PDE3B: variants seen among roughly 807,000 people sequenced by gnomAD.
PDE3B encodes the protein cGMP-inhibited 3',5'-cyclic phosphodiesterase 3B.
In PDE3B, 66 loss-of-function variants were observed where a neutral mutation model predicts 116.8. That is an observed-to-expected ratio of 0.56 (90% CI 0.46 to 0.69). The LOEUF (loss-of-function observed/expected upper bound fraction) is 0.69. Ranked by LOEUF, PDE3B falls within the 30% of genes least tolerant of loss-of-function variation. The pLI is 0.00. For missense variants in PDE3B, 1,384 were observed against 1,368.1 expected, an observed-to-expected ratio of 1.01 and a Z score of -0.18; for synonymous variants, 595 against 533.6, an observed-to-expected ratio of 1.12 and a Z score of -1.59.
intron 1 of PDE3B, among the ~76,000 whole-genome samples, chr11:14,662,808 T>A (rs1853977145): frequency 6.6e-6 from 1 of 152,108 alleles, no homozygotes; most frequent in African/African-American, 2.4e-5. Context: ...TGGGACTATG[T>A]GAAAAGACCA....
At chr11:14,771,073 A>C (rs1010278521) in intron 1 of PDE3B, among the ~76,000 whole-genome samples, 4 of 151,744 alleles carry the variant, frequency 2.6e-5, no homozygotes, top group African/African-American at 9.7e-5. Flanking sequence ...AAGGACAAAA[A>C]ACAACACAAA....
intron 10 of PDE3B, among the ~76,000 whole-genome samples, chr11:14,833,670 G>T (rs954338875): frequency 1.3e-5 from 2 of 152,158 alleles, no homozygotes; most frequent in Non-Finnish European, 2.9e-5. Flanking sequence ...AAGATGGACT[G>T]TCTTTATATA....
the PDE3B span, chr11:14,892,143 C>G: frequency 2.5e-6 from 4 of 1,611,412 alleles, no homozygotes; most frequent in South Asian, 4.4e-5. Flanking sequence ...GCGCGAAGAG[C>G]AGCAGGAAGA....
chr11:14,880,176 C>A, the PDE3B span: 1 of 1,612,870 alleles, frequency 6.2e-7, no homozygotes, highest in African/African-American at 1.3e-5. Context: ...GAATCGCCCA[C>A]CGTAGCACAT....
intron 12 of PDE3B, among the ~76,000 whole-genome samples, chr11:14,847,927 C>T (rs1253476624): frequency 2.6e-5 from 4 of 152,128 alleles, no homozygotes; most frequent in East Asian, 1.9e-4. Flanking sequence ...GAACTGGTAC[C>T]ATTCCTTCTG....
chr11:14,715,901 C>T (rs1345317601), intron 1 of PDE3B, among the ~76,000 whole-genome samples: 1 of 152,050 alleles, frequency 6.6e-6, no homozygotes, highest in Non-Finnish European at 1.5e-5. Context: ...GAAAATGTGG[C>T]ACATAGTGGG....
At chr11:14,736,161 G>T (rs1452026330) in intron 1 of PDE3B, among the ~76,000 whole-genome samples, 1 of 152,132 alleles carries the variant, frequency 6.6e-6, no homozygotes, top group Non-Finnish European at 1.5e-5. Context: ...TATTACTGTG[G>T]CCCTGAACTG....
At chr11:14,778,255 C>T (rs1022295119) in intron 2 of PDE3B, among the ~76,000 whole-genome samples, 9 of 152,240 alleles carry the variant, frequency 5.9e-5, no homozygotes, top group Admixed American at 3.9e-4. Context: ...CATAGCTGAA[C>T]GAAAGGCAGC....
At chr11:14,778,187 C>CT (rs1162209097) in intron 2 of PDE3B, among the ~76,000 whole-genome samples, 4 of 152,158 alleles carry the variant, frequency 2.6e-5, no homozygotes, top group African/African-American at 4.8e-5. Context: ...ATGGGTGGAG[C>CT]CCACCACAGC....
chr11:14,871,911 T>G lies in PDE3B; in HGVS notation c.*2251T>G, dbSNP rs1848146991. On this transcript the variant is annotated 3_prime_UTR_variant, in exon 16 of 16. Transcript: ENST00000282096. ...GATCTTACTTTGTTACTGAATCAGA[T>G]TAATTTCTTGTTATAATAATTTTCA... 6.6e-6 allele frequency: 1 copy of G among 152,198 alleles called. No individual in the cohort carries two copies. The highest frequency in any genetic ancestry group is 2.4e-5 in the African/African-American group (1 of 41,452). 9.4% of individuals were successfully genotyped at this position (152,198 alleles called of 1,614,324 possible).
chr11:14,824,268 C>T (rs1433082744), intron 7 of PDE3B, among the ~76,000 whole-genome samples: 3 of 152,172 alleles, frequency 2.0e-5, no homozygotes, highest in Non-Finnish European at 2.9e-5. Context: ...CTCCAAACAA[C>T]CACACTAGTT....
chr11:14,688,909 A>G (rs1379051488), intron 1 of PDE3B, among the ~76,000 whole-genome samples: 1 of 152,074 alleles, frequency 6.6e-6, no homozygotes, highest in Non-Finnish European at 1.5e-5. Context: ...AGTAGCTGAG[A>G]TTATAGGTGC....
chr11:14,718,674 G>C (rs1183802154), intron 1 of PDE3B, among the ~76,000 whole-genome samples: 1 of 150,498 alleles, frequency 6.6e-6, no homozygotes, highest in African/African-American at 2.5e-5. Flanking sequence ...AATGACTACT[G>C]GGTACATAAT....
At chr11:14,714,083 G>A (rs548020154) in intron 1 of PDE3B, among the ~76,000 whole-genome samples, 1 of 152,150 alleles carries the variant, frequency 6.6e-6, no homozygotes, top group South Asian at 2.1e-4. Flanking sequence ...AAAAATGACT[G>A]TAGCAGGTTG....
intron 5 of PDE3B, among the ~76,000 whole-genome samples, chr11:14,812,564 A>T (rs999901068): frequency 2.0e-5 from 3 of 152,342 alleles, no homozygotes; most frequent in East Asian, 1.9e-4. Flanking sequence ...GTTTCACAGC[A>T]AAGTAAACCA....
At chr11:14,733,310 G>C (rs1437538712) in intron 1 of PDE3B, among the ~76,000 whole-genome samples, 3 of 152,126 alleles carry the variant, frequency 2.0e-5, no homozygotes, top group Admixed American at 2.0e-4. Context: ...ATGACAATAA[G>C]CTCCGATTCT....
intron 1 of PDE3B, among the ~76,000 whole-genome samples, chr11:14,714,327 C>T (rs1855805329): frequency 6.6e-6 from 1 of 151,954 alleles, no homozygotes; most frequent in Admixed American, 6.6e-5. Context: ...TTTTAGCTTG[C>T]TTTTCTCTTA....
chr11:14,685,723 T>C (rs2133799920), intron 1 of PDE3B, among the ~76,000 whole-genome samples: 1 of 152,266 alleles, frequency 6.6e-6, no homozygotes, highest in Middle Eastern at 3.4e-3. Flanking sequence ...CCCAAAGTGC[T>C]AGGATTACAG....
At chr11:14,742,848 C>G (rs1856808837) in intron 1 of PDE3B, among the ~76,000 whole-genome samples, 2 of 152,116 alleles carry the variant, frequency 1.3e-5, no homozygotes, top group Admixed American at 1.3e-4. Flanking sequence ...CTGGAGTTTG[C>G]TGGAGGTCCA....
Sources: allele counts gnomAD v4.1 joint callset (sites outside exome capture counted in the v4.1 genomes callset), GRCh38; gene constraint gnomAD v4.1.1; transcripts MANE v1.5; gene names NCBI Gene and HGNC (gene_info 2026-07-23, HGNC 2026-07-21).